The following ZNF385B variants were observed in gnomAD, a reference collection of about 807,000 sequenced individuals.
ZNF385B encodes zinc finger protein 385B, also known as zinc finger protein 533.
ZNF385B carries 23 observed loss-of-function variants against 39.2 expected under a neutral mutation model. The observed-to-expected ratio is 0.59, with a 90% CI of 0.42 to 0.83. The LOEUF (loss-of-function observed/expected upper bound fraction) is 0.83. Ranked by LOEUF, ZNF385B falls within the 40% of genes least tolerant of loss-of-function variation. The pLI, the probability that ZNF385B is intolerant of heterozygous loss-of-function variation, is 0.00. For synonymous variants in ZNF385B, 205 were observed against 222.6 expected, an observed-to-expected ratio of 0.92 and a Z score of 0.70; for missense variants, 552 against 598.9, an observed-to-expected ratio of 0.92 and a Z score of 0.82.
At chr2:179,700,058 AAC>A (rs10563648) in intron 3 of ZNF385B, among the ~76,000 whole-genome samples, 123,124 of 148,534 alleles carry the variant, frequency 0.83, 51,658 homozygotes, top group South Asian at 0.92. Flanking sequence ...CAAACAGAAA[AAC>A]ACACACACAC....
At chr2:179,443,695 G>T (rs1057216721) in intron 9 of ZNF385B, among the ~76,000 whole-genome samples, 1 of 152,188 alleles carries the variant, frequency 6.6e-6, no homozygotes, top group Non-Finnish European at 1.5e-5. Flanking sequence ...AGGGCACAGG[G>T]AAAGGCCTCT....
chr2:179,663,239 T>C (rs185477604), intron 3 of ZNF385B, among the ~76,000 whole-genome samples: 305 of 152,332 alleles, frequency 2.0e-3, no homozygotes, highest in Non-Finnish European at 3.2e-3. Flanking sequence ...CAGAGTACCT[T>C]AGGGACACCA....
At chr2:179,669,309 T>G (rs569824088) in intron 3 of ZNF385B, among the ~76,000 whole-genome samples, 1 of 152,286 alleles carries the variant, frequency 6.6e-6, no homozygotes, top group South Asian at 2.1e-4. Context: ...TCTGTAAATA[T>G]CTTGAACAGT....
intron 3 of ZNF385B, among the ~76,000 whole-genome samples, chr2:179,761,585 T>C (rs563528320): frequency 6.6e-4 from 71 of 107,580 alleles, no homozygotes; most frequent in African/African-American, 2.0e-3. Flanking sequence ...ATGCAATTGA[T>C]TTTTTTTTTT....
chr2:179,516,566 T>C (rs1054057183), intron 5 of ZNF385B, among the ~76,000 whole-genome samples: 1 of 152,130 alleles, frequency 6.6e-6, no homozygotes, highest in Non-Finnish European at 1.5e-5. Context: ...TTATTCATCA[T>C]TCATATTTCT....
At chr2:179,754,569 T>A (rs1048614853) in intron 3 of ZNF385B, among the ~76,000 whole-genome samples, 1 of 152,204 alleles carries the variant, frequency 6.6e-6, no homozygotes, top group East Asian at 1.9e-4. Context: ...CCTGGACTTT[T>A]TTTGGTTGAT....
At chr2:179,626,221 C>G (rs1690652536) in intron 3 of ZNF385B, among the ~76,000 whole-genome samples, 2 of 152,050 alleles carry the variant, frequency 1.3e-5, no homozygotes, top group Admixed American at 6.6e-5. Flanking sequence ...TTTCTTAAAA[C>G]ATACTTCTTA....
At chr2:179,580,522 TA>T (rs1248276457) in intron 3 of ZNF385B, among the ~76,000 whole-genome samples, 1 of 152,180 alleles carries the variant, frequency 6.6e-6, no homozygotes, top group Non-Finnish European at 1.5e-5. Flanking sequence ...ACTGTATTTG[TA>T]GACAGGCCAG....
chr2:179,592,635 A>C (rs922619011), intron 3 of ZNF385B, among the ~76,000 whole-genome samples: 1 of 152,194 alleles, frequency 6.6e-6, no homozygotes, highest in African/African-American at 2.4e-5. Context: ...TTTTACAGAA[A>C]AGAATATAAT....
intron 3 of ZNF385B, among the ~76,000 whole-genome samples, chr2:179,594,797 C>CTTTTTTTTT (rs35322965): frequency 6.9e-6 from 1 of 145,410 alleles, no homozygotes; most frequent in Non-Finnish European, 1.5e-5. Flanking sequence ...TAGGTAAACT[C>CTTTTTTTTT]TTTTTTTTTT....
At chr2:179,650,126 G>A (rs1331006628) in intron 3 of ZNF385B, among the ~76,000 whole-genome samples, 1 of 152,158 alleles carries the variant, frequency 6.6e-6, no homozygotes, top group African/African-American at 2.4e-5. Flanking sequence ...ACAAATGTGT[G>A]ATTTCAACAT....
At chr2:179,586,910 G>A (rs937180436) in intron 3 of ZNF385B, among the ~76,000 whole-genome samples, 2 of 151,724 alleles carry the variant, frequency 1.3e-5, no homozygotes, top group Non-Finnish European at 2.9e-5. Flanking sequence ...GTGGTGGCAC[G>A]TGCCTGTAGT....
intron 3 of ZNF385B, among the ~76,000 whole-genome samples, chr2:179,571,039 T>C (rs1574849186): frequency 6.6e-6 from 1 of 152,372 alleles, no homozygotes; most frequent in East Asian, 1.9e-4. Context: ...TCCAGGTTTT[T>C]TGCATACTAC....
intron 6 of ZNF385B, chr2:179,480,800 A>C (rs999143692): frequency 3.3e-5 from 5 of 152,186 alleles, no homozygotes; most frequent in Non-Finnish European, 7.3e-5. Flanking sequence ...TATACCAAAC[A>C]CAGAGAAACA....
intron 3 of ZNF385B, among the ~76,000 whole-genome samples, chr2:179,688,752 A>G (rs1057506572): frequency 5.9e-5 from 9 of 152,180 alleles, no homozygotes; most frequent in Admixed American, 3.3e-4. Flanking sequence ...ATGTTGTACA[A>G]TAGATCTCTT....
chr2:179,568,899 A>T (rs186093033), intron 3 of ZNF385B, among the ~76,000 whole-genome samples: 1 of 152,326 alleles, frequency 6.6e-6, no homozygotes, highest in East Asian at 1.9e-4. Flanking sequence ...CACTTATCCT[A>T]AACTGAGGAT....
At chr2:179,807,866 A>G (rs985532756) in intron 1 of ZNF385B, among the ~76,000 whole-genome samples, 29 of 138,020 alleles carry the variant, frequency 2.1e-4, no homozygotes, top group South Asian at 7.0e-4. Context: ...CTGCACTCCA[A>G]CCTGGGCGAC....
chr2:179,690,038 C>G (rs1232628300), intron 3 of ZNF385B, among the ~76,000 whole-genome samples: 1 of 152,148 alleles, frequency 6.6e-6, no homozygotes, highest in African/African-American at 2.4e-5. Context: ...CATTGGTTCT[C>G]CTAACTCTGC....
chr2:179,859,020 G>A (rs1684828046), intron 1 of ZNF385B, among the ~76,000 whole-genome samples: 1 of 136,542 alleles, frequency 7.3e-6, no homozygotes, highest in Admixed American at 8.3e-5. Flanking sequence ...AGTCTGTACA[G>A]GCATTTCACC....
Sources: gnomAD v4.1 joint callset for allele counts (sites outside exome capture counted in the v4.1 genomes callset) on GRCh38, gnomAD v4.1.1 for gene constraint, MANE v1.5 for transcripts, NCBI Gene and HGNC (gene_info 2026-07-23, HGNC 2026-07-21) for gene names.